The following UTP4 variants were observed in gnomAD, a reference collection of about 807,000 sequenced individuals.
The protein encoded by UTP4 is UTP4 small subunit processome component.
Under a neutral mutation model 82.4 loss-of-function variants are expected in UTP4, and 45 were observed. The observed-to-expected ratio is 0.55, with a 90% CI of 0.43 to 0.70. The LOEUF (loss-of-function observed/expected upper bound fraction) is 0.70. Among genes scored for constraint, UTP4 ranks in the 30% least tolerant of loss-of-function variants. The probability of loss-of-function intolerance (pLI) is 0.00; values close to 1 mark genes in which losing one functional copy is unlikely to be tolerated. For missense variants in UTP4, 819 were observed against 858.3 expected (o/e 0.95, Z 0.57); for synonymous variants, 348 against 300.3 (o/e 1.16, Z -1.64).
Position 69,150,689 on chromosome 16 carries a change from AACAGCGCTGATATCTG to A in UTP4, c.892_907del (p.Thr298GlufsTer7). ...ACGTGCGCACTGTGGCCCACAGCCCAACAGCGCTGATATCTGGAGGTGGGTTCCCCCTCTGGTGAGG... is the reference window on the plus strand; with the variant it reads ...ACGTGCGCACTGTGGCCCACAGCCCAGAGGTGGGTTCCCCCTCTGGTGAGG... On this transcript the variant is annotated frameshift_variant, in exon 7 of 17. Coordinates refer to ENST00000314423, the MANE Select transcript of UTP4 (RefSeq NM_032830.3). LOFTEE classifies it high-confidence loss of function. 6.2e-7 allele frequency: 1 copy of A among 1,614,208 alleles called. No individual in the cohort carries two copies. The highest frequency in any genetic ancestry group is 8.5e-7 in the Non-Finnish European group (1 of 1,180,042).
At chr16:69,133,378 G>T (rs2152275671) in intron 1 of UTP4, 80 bp from the exon 2 acceptor site, 1 of 1,389,042 alleles carries the variant, frequency 7.2e-7, no homozygotes, top group African/African-American at 1.4e-5. Context: ...AGCCAGAACA[G>T]TGATATTAAG....
chr16:69,151,868 A>T (rs1331994931), intron 8 of UTP4, among the ~76,000 whole-genome samples: 1 of 151,162 alleles, frequency 6.6e-6, no homozygotes, highest in Non-Finnish European at 1.5e-5. Context: ...GGAGCGGGAA[A>T]ACCCAGGCTT....
At chr16:69,135,465 C>T (rs944631466) in intron 2 of UTP4, among the ~76,000 whole-genome samples, 1 of 152,010 alleles carries the variant, frequency 6.6e-6, no homozygotes, top group Non-Finnish European at 1.5e-5. Context: ...GTAAACCCAG[C>T]GCTTTGGGAA....
intron 3 of UTP4, among the ~76,000 whole-genome samples, 157 bp downstream of exon 3, chr16:69,137,044 C>G (rs1210026772): frequency 1.3e-5 from 2 of 152,206 alleles, no homozygotes; most frequent in African/African-American, 4.8e-5. Flanking sequence ...AAATCCCCAG[C>G]ATTCTTTTTG....
At position 69,163,265 on chromosome 16, in the gene UTP4, T is replaced by A. The variant is rs933629587; in HGVS notation, c.1647+87T>A. ...TATTGGGCAGTTGCGGGGAGCTTTT[T>A]TTTGAAGGTGTTGGAGGATATAAGG... On this transcript the variant is annotated intron_variant, in intron 14 of 16. Coordinates refer to ENST00000314423, the MANE Select transcript of UTP4 (RefSeq NM_032830.3). The A allele has an allele frequency of 6.5e-6, 7 of 1,076,118 alleles. No homozygotes were observed. In the African/African-American group the frequency reaches 9.3e-5, roughly 14 times the overall value. The allele number at this position is 1,076,118 out of a possible 1,614,324, so 66.7% of individuals were successfully genotyped here. A position where few individuals can be genotyped will look rare whatever the true frequency, so the allele number is the denominator to read the frequency against.
chr16:69,145,225 A>G (rs553957155), intron 6 of UTP4, among the ~76,000 whole-genome samples: 24 of 152,062 alleles, frequency 1.6e-4, no homozygotes, highest in Non-Finnish European at 3.1e-4. Flanking sequence ...TTGTCTTCCA[A>G]ATCTCTCTCT....
intron 12 of UTP4, among the ~76,000 whole-genome samples, chr16:69,159,984 C>CA (rs747900916): frequency 0.1 from 9,417 of 90,094 alleles, 342 homozygotes; most frequent in East Asian, 0.23. Context: ...GACTCCATCT[C>CA]AAAAAAAAAA....
At chr16:69,163,276 T>C (rs925386653) in intron 14 of UTP4, 98 bp downstream of exon 14, 4 of 964,556 alleles carry the variant, frequency 4.1e-6, no homozygotes, top group Non-Finnish European at 6.7e-6. Context: ...TTTGAAGGTG[T>C]TGGAGGATAT....
At chr16:69,142,907 A>T (rs573269351) in intron 5 of UTP4, among the ~76,000 whole-genome samples, 3 of 152,008 alleles carry the variant, frequency 2.0e-5, no homozygotes, top group African/African-American at 7.2e-5. Context: ...CTCTCCCAAC[A>T]CCCCTTCTCT....
chr16:69,137,285 C>T (rs1169376898), intron 3 of UTP4, among the ~76,000 whole-genome samples: 1 of 152,174 alleles, frequency 6.6e-6, no homozygotes, highest in Non-Finnish European at 1.5e-5. Context: ...AGCAAGTTAA[C>T]CTGTGCACTT....
chr16:69,134,875 C>T (rs1443981775), intron 2 of UTP4, among the ~76,000 whole-genome samples: 9 of 151,214 alleles, frequency 6.0e-5, no homozygotes, highest in Non-Finnish European at 1.3e-4. Flanking sequence ...TTCATAGAGA[C>T]GAGGTTTCAC....
At chr16:69,153,258 A>G (rs1963323383) in intron 8 of UTP4, among the ~76,000 whole-genome samples, 1 of 152,148 alleles carries the variant, frequency 6.6e-6, no homozygotes, top group Admixed American at 6.5e-5. Context: ...ACCACCACAC[A>G]GCTAGGTTAG....
At position 69,155,848 on chromosome 16, in the gene UTP4, A is replaced by G. The variant is rs756447612; in HGVS notation, c.1165-23A>G. 1.1e-5 allele frequency: 18 copies of G among 1,614,126 alleles called. No homozygotes were observed. The South Asian group carries it at 1.2e-4, about 11-fold the overall frequency. ...TTATGTGAAGTTTAATTGCACATTC[A>G]TCTTGATTCCTGATATTGCCAGGGT... is the stretch of plus-strand genomic sequence containing the variant. On this transcript the variant is annotated intron_variant, in intron 10 of 16. Transcript: ENST00000314423.
At position 69,149,507 on chromosome 16, in the gene UTP4, T is replaced by C. The variant is rs551218185; in HGVS notation, c.739-1030T>C. 1.9e-4 allele frequency among the ~76,000 whole-genome samples: 29 copies of C among 151,766 alleles called. 1 individual carries two copies. The highest frequency in any genetic ancestry group is 6.0e-4 in the African/African-American group (25 of 41,360). ...CAGAGGTTGCAGTGAGCCGAGATCA[T>C]GCCACTGCCCTCCAGCCTGGGTGAC... On this transcript the variant is annotated intron_variant, in intron 6 of 16. Transcript: ENST00000314423.
At chr16:69,151,042 T>G (rs1237506860) in intron 8 of UTP4, 138 bp downstream of exon 8, 5 of 719,570 alleles carry the variant, frequency 6.9e-6, no homozygotes, top group Non-Finnish European at 1.2e-5. Context: ...AGTTTGCTCT[T>G]GTTGCCCAGG....
chr16:69,164,607 T>G lies in UTP4; in HGVS notation c.1648-734T>G, dbSNP rs570468487. The stretch of plus-strand genomic sequence containing the variant: ...TTCTTTATATATATATATATATATA[T>G]ATATATATGTATATATATATCTGTA... On this transcript the variant is annotated intron_variant, in intron 14 of 16. Transcript: ENST00000314423. Among the ~76,000 whole-genome samples, 45 of 139,142 alleles carry G rather than the reference T, an allele frequency of 3.2e-4. No homozygotes were observed. The South Asian group carries it at 5.5e-3, about 17-fold the overall frequency. 91.3% of individuals were successfully genotyped at this position (139,142 alleles called of 152,430 possible).
At chr16:69,163,884 G>GTTTTTTTTTT (rs1216606701) in intron 14 of UTP4, among the ~76,000 whole-genome samples, 1 of 126,248 alleles carries the variant, frequency 7.9e-6, no homozygotes, top group Non-Finnish European at 1.7e-5. Context: ...TGGTCAGTTT[G>GTTTTTTTTTT]TTTTTTTTTT....
At chr16:69,135,017 CTT>C (rs1027253401) in intron 2 of UTP4, among the ~76,000 whole-genome samples, 20 of 133,242 alleles carry the variant, frequency 1.5e-4, no homozygotes, top group Admixed American at 3.0e-4. Flanking sequence ...TGTTCTTCTT[CTT>C]TTTTTTTTTT....
At chr16:69,147,001 C>CAAA (rs71148965) in intron 6 of UTP4, among the ~76,000 whole-genome samples, 37 of 85,756 alleles carry the variant, frequency 4.3e-4, no homozygotes, top group Admixed American at 1.5e-3. Flanking sequence ...GACTCTGCCT[C>CAAA]AAAAAAAAAA....
Sources: allele counts gnomAD v4.1 joint callset (sites outside exome capture counted in the v4.1 genomes callset), GRCh38; gene constraint gnomAD v4.1.1; transcripts MANE v1.5; gene names NCBI Gene and HGNC (gene_info 2026-07-23, HGNC 2026-07-21).